The following MEIS1 variants were observed in gnomAD, a reference collection of about 807,000 sequenced individuals.
MEIS1 encodes Meis homeobox 1, also known as homeobox protein Meis1.
A neutral mutation model predicts 50.8 loss-of-function variants in MEIS1; 5 were observed. That is an observed-to-expected ratio of 0.10 (90% CI 0.05 to 0.21). The LOEUF (loss-of-function observed/expected upper bound fraction) is 0.21. Among genes scored for constraint, MEIS1 ranks in the 10% least tolerant of loss-of-function variants. The pLI, the probability that MEIS1 is intolerant of heterozygous loss-of-function variation, is 1.00. For missense variants in MEIS1, 318 were observed against 517.3 expected (o/e 0.61, Z 3.74); for synonymous variants, 176 against 179.3 (o/e 0.98, Z 0.15).
chr2:66,496,458 C>A (rs1337219282), intron 7 of MEIS1, among the ~76,000 whole-genome samples: 1 of 151,952 alleles, frequency 6.6e-6, no homozygotes, highest in Non-Finnish European at 1.5e-5. Flanking sequence ...TGTGAATTGC[C>A]CAATTTCATA....
chr2:66,488,398 G>A (rs929935325), intron 7 of MEIS1, among the ~76,000 whole-genome samples: 14 of 152,196 alleles, frequency 9.2e-5, no homozygotes, highest in African/African-American at 3.4e-4. Flanking sequence ...CAATGAGCTG[G>A]CTAGGTGCAG....
rs1416194551 is a variant in MEIS1, at chr2:66,571,315, G to A, written c.*107G>A. On this transcript the variant is annotated 3_prime_UTR_variant, in exon 13 of 13. Coordinates refer to ENST00000272369, the MANE Select transcript of MEIS1 (RefSeq NM_002398.3). The stretch of plus-strand genomic sequence containing the variant: ...ATGGGTGTGAGTATGGGACAGCCAA[G>A]TTATACCCAACCCCAGATGCCCCCC... 1 of 1,598,768 alleles carries A rather than the reference G, an allele frequency of 6.3e-7. No homozygotes were observed. Among genetic ancestry groups the A allele is most frequent in the South Asian group, 1.1e-5 (1 of 89,404 alleles).
At chr2:66,545,011 C>T (rs1358501312) in intron 8 of MEIS1, among the ~76,000 whole-genome samples, 1 of 152,132 alleles carries the variant, frequency 6.6e-6, no homozygotes, top group Non-Finnish European at 1.5e-5. Context: ...GTTTGTAAAA[C>T]TTGCTCATAA....
intron 8 of MEIS1, among the ~76,000 whole-genome samples, chr2:66,538,515 T>G (rs1674572971): frequency 6.6e-6 from 1 of 152,218 alleles, no homozygotes; most frequent in Non-Finnish European, 1.5e-5. Context: ...ATGGAGCTGC[T>G]AGTTTTGTGT....
chr2:66,488,993 T>C (rs1286170282), intron 7 of MEIS1, among the ~76,000 whole-genome samples: 1 of 152,218 alleles, frequency 6.6e-6, no homozygotes, highest in Non-Finnish European at 1.5e-5. Flanking sequence ...TTTTTGTTTT[T>C]AACTATTTGA....
intron 7 of MEIS1, among the ~76,000 whole-genome samples, chr2:66,473,247 G>A (rs1178158900): frequency 6.6e-6 from 1 of 151,146 alleles, no homozygotes; most frequent in East Asian, 2.0e-4. Context: ...GTATAGTGGT[G>A]CGTGCCTGTA....
chr2:66,457,943 C>A (rs760660401), intron 6 of MEIS1, among the ~76,000 whole-genome samples: 1 of 152,178 alleles, frequency 6.6e-6, no homozygotes, highest in Non-Finnish European at 1.5e-5. Context: ...AGATTACTTA[C>A]TAAAGAGACC....
chr2:66,495,080 C>CTTTTTTTTTTTTTTT (rs70943701), intron 7 of MEIS1, among the ~76,000 whole-genome samples: 2 of 91,492 alleles, frequency 2.2e-5, no homozygotes, highest in Non-Finnish European at 4.1e-5. Flanking sequence ...CTCTTCTGAC[C>CTTTTTTTTTTTTTTT]TTTTTTTTTT....
intron 6 of MEIS1, among the ~76,000 whole-genome samples, chr2:66,449,167 A>G (rs1419510497): frequency 2.0e-5 from 3 of 152,142 alleles, no homozygotes; most frequent in African/African-American, 7.2e-5. Context: ...TTATAGATTT[A>G]AAGATTTTCC....
intron 6 of MEIS1, among the ~76,000 whole-genome samples, chr2:66,460,989 T>A (rs1395137865): frequency 6.6e-6 from 1 of 152,216 alleles, no homozygotes; most frequent in Non-Finnish European, 1.5e-5. Context: ...CTTGTCTTAC[T>A]GGATTTCCAA....
At chr2:66,559,932 G>A (rs1172653841) in intron 9 of MEIS1, among the ~76,000 whole-genome samples, 5 of 152,154 alleles carry the variant, frequency 3.3e-5, no homozygotes, top group African/African-American at 4.8e-5. Flanking sequence ...TAGTAGCTGG[G>A]ACTACAGGTG....
At chr2:66,528,627 C>T (rs1379842718) in intron 8 of MEIS1, among the ~76,000 whole-genome samples, 3 of 152,172 alleles carry the variant, frequency 2.0e-5, no homozygotes, top group Non-Finnish European at 2.9e-5. Flanking sequence ...ATTCTTCTTC[C>T]CACCTAGCTC....
intron 8 of MEIS1, among the ~76,000 whole-genome samples, chr2:66,516,374 G>A (rs1673969824): frequency 6.6e-6 from 1 of 152,214 alleles, no homozygotes; most frequent in Non-Finnish European, 1.5e-5. Context: ...TGGTGATTCT[G>A]ATGGTGAACT....
chr2:66,498,615 T>G (rs1294925153), intron 7 of MEIS1, among the ~76,000 whole-genome samples: 1 of 152,162 alleles, frequency 6.6e-6, no homozygotes, highest in Non-Finnish European at 1.5e-5. Context: ...CTACTCAAAA[T>G]GGGGCTCAGA....
chr2:66,564,764 G>A (rs1225606883), intron 9 of MEIS1, among the ~76,000 whole-genome samples: 1 of 150,830 alleles, frequency 6.6e-6, no homozygotes, highest in Non-Finnish European at 1.5e-5. Flanking sequence ...GGGTACATGT[G>A]CACAACGTGC....
At chr2:66,495,151 A>G (rs1178979884) in intron 7 of MEIS1, among the ~76,000 whole-genome samples, 1 of 139,308 alleles carries the variant, frequency 7.2e-6, no homozygotes. Flanking sequence ...GGCAATTAGC[A>G]TGATCACTCA....
chr2:66,501,733 C>A (rs1026189287), intron 7 of MEIS1, among the ~76,000 whole-genome samples: 1 of 151,858 alleles, frequency 6.6e-6, no homozygotes, highest in South Asian at 2.1e-4. Context: ...TCTATGAACA[C>A]TTACATAAAA....
chr2:66,553,824 A>G (rs960942952), intron 9 of MEIS1, among the ~76,000 whole-genome samples: 2 of 152,336 alleles, frequency 1.3e-5, no homozygotes, highest in African/African-American at 2.4e-5. Context: ...ATAAAATCAC[A>G]TCGTTAATAC....
intron 6 of MEIS1, among the ~76,000 whole-genome samples, chr2:66,453,599 G>C (rs1052804493): frequency 1.3e-5 from 2 of 151,930 alleles, no homozygotes; most frequent in Non-Finnish European, 2.9e-5. Context: ...TTGTCAGTGG[G>C]CTTAAAGATG....
Sources: allele counts gnomAD v4.1 joint callset (sites outside exome capture counted in the v4.1 genomes callset), GRCh38; gene constraint gnomAD v4.1.1; transcripts MANE v1.5; gene names NCBI Gene and HGNC (gene_info 2026-07-23, HGNC 2026-07-21).